GDE1: variants seen among roughly 807,000 people sequenced by gnomAD.
GDE1 encodes the protein RGS16-interacting membrane protein.
In GDE1, 24 loss-of-function variants were observed where a neutral mutation model predicts 32.2. That is an observed-to-expected ratio of 0.75 (90% confidence interval 0.54 to 1.05). The LOEUF (loss-of-function observed/expected upper bound fraction) is 1.05. Among genes scored for constraint, GDE1 ranks in the 50% least tolerant of loss-of-function variants. The probability of loss-of-function intolerance (pLI) is 0.00; values close to 1 mark genes in which losing one functional copy is unlikely to be tolerated. For synonymous variants in GDE1, 159 were observed against 158.6 expected (o/e 1.00, Z -0.02); for missense variants, 380 against 415.0 (o/e 0.92, Z 0.73).
intron 2 of GDE1, among the ~76,000 whole-genome samples, chr16:19,516,782 A>G (rs1432485083): frequency 6.6e-6 from 1 of 152,258 alleles, no homozygotes; most frequent in African/African-American, 2.4e-5. Context: ...ATGACTAGAC[A>G]GTATTATCTT....
chr16:19,508,243 A>G (rs1042867380), intron 3 of GDE1, among the ~76,000 whole-genome samples: 11 of 152,154 alleles, frequency 7.2e-5, no homozygotes, highest in African/African-American at 2.4e-4. Flanking sequence ...ATTACCCATC[A>G]CCAATATGGA....
intron 2 of GDE1, among the ~76,000 whole-genome samples, chr16:19,514,500 A>C (rs552542777): frequency 6.6e-6 from 1 of 152,212 alleles, no homozygotes; most frequent in South Asian, 2.1e-4. Flanking sequence ...TGGAAAACTC[A>C]AAGACTTAAT....
At chr16:19,508,672 T>G (rs1969279094) in intron 3 of GDE1, among the ~76,000 whole-genome samples, 1 of 152,128 alleles carries the variant, frequency 6.6e-6, no homozygotes, top group African/African-American at 2.4e-5. Context: ...CACTGTAAAC[T>G]CTTAGCATTT....
intron 2 of GDE1, among the ~76,000 whole-genome samples, chr16:19,513,491 G>A (rs1969344360): frequency 6.6e-6 from 1 of 152,036 alleles, no homozygotes; most frequent in African/African-American, 2.4e-5. Flanking sequence ...TTGTTTATCA[G>A]TTTTAACAGT....
At chr16:19,516,763 C>T (rs1232087163) in intron 2 of GDE1, among the ~76,000 whole-genome samples, 1 of 152,214 alleles carries the variant, frequency 6.6e-6, no homozygotes, top group Non-Finnish European at 1.5e-5. Flanking sequence ...CTTTCAGCCT[C>T]ATGATTCTAT....
rs781324426 is a variant in GDE1, at chr16:19,507,792, G to A, written c.544-13C>T. On this transcript the variant is annotated splice_polypyrimidine_tract_variant and intron_variant, in intron 3 of 5. Transcript: ENST00000353258. ...GAGCCTCAGTAGCCTGTAAAATAAAGAGATTCATATATTTAAAATTGATTA... is the reference window on the plus strand; with the variant it reads ...GAGCCTCAGTAGCCTGTAAAATAAAAAGATTCATATATTTAAAATTGATTA... 8.4e-7 allele frequency: 1 copy of A among 1,197,564 alleles called. No homozygotes were observed. The highest frequency in any genetic ancestry group is 1.3e-5 in the South Asian group (1 of 79,478). 74.2% of individuals were successfully genotyped at this position (1,197,564 alleles called of 1,614,324 possible).
chr16:19,510,768 A>T, intron 3 of GDE1, 71 bp downstream of exon 3: 1 of 670,418 alleles, frequency 1.5e-6, no homozygotes, highest in African/African-American at 1.8e-5. Flanking sequence ...AAATATATGT[A>T]ACTTCGGAAA....
chr16:19,503,388 T>A lies in GDE1; in HGVS notation c.*82A>T. 8.0e-7 allele frequency: 1 copy of A among 1,250,542 alleles called. No homozygotes were observed. Among genetic ancestry groups the A allele is most frequent in the Non-Finnish European group, 1.1e-6 (1 of 881,028 alleles). 77.5% of individuals were successfully genotyped at this position (1,250,542 alleles called of 1,614,324 possible). On this transcript the variant is annotated 3_prime_UTR_variant, in exon 6 of 6. Coordinates refer to ENST00000353258, the MANE Select transcript of GDE1 (RefSeq NM_016641.4). ...GTGAGTCACCTGATTCCCCAGGGCC[T>A]GGGCTAGCACAAAGGGTATTTTGAT...
At chr16:19,503,686 T>TA in intron 5 of GDE1, 69 bp from the exon 6 acceptor site, 1 of 1,305,880 alleles carries the variant, frequency 7.7e-7, no homozygotes, top group Non-Finnish European at 1.1e-6. Context: ...TAATGGCCAC[T>TA]AAGTATGGTG....
intron 4 of GDE1, 138 bp downstream of exon 4, chr16:19,507,549 T>C (rs1351167452): frequency 3.3e-6 from 2 of 611,618 alleles, no homozygotes; most frequent in African/African-American, 3.7e-5. Flanking sequence ...ATTTCTCTGG[T>C]TAATTTAAAA....
intron 2 of GDE1, among the ~76,000 whole-genome samples, chr16:19,512,652 T>G (rs186406925): frequency 6.6e-6 from 1 of 152,284 alleles, no homozygotes; most frequent in East Asian, 1.9e-4. Context: ...CCCAGAGCTT[T>G]TCCCCTGTGT....
intron 5 of GDE1, chr16:19,504,052 T>C (rs1969213663): frequency 6.4e-6 from 1 of 155,870 alleles, no homozygotes; most frequent in Non-Finnish European, 1.4e-5. Context: ...TTCTCTCTGA[T>C]CTGGATTCCT....
At chr16:19,519,470 A>G (rs994233838) in intron 1 of GDE1, among the ~76,000 whole-genome samples, 10 of 151,244 alleles carry the variant, frequency 6.6e-5, no homozygotes, top group Non-Finnish European at 2.9e-5. Flanking sequence ...ATATATATAT[A>G]TATACATACA....
chr16:19,511,339 A>G (rs1471549128), intron 2 of GDE1, among the ~76,000 whole-genome samples: 1 of 152,118 alleles, frequency 6.6e-6, no homozygotes, highest in Non-Finnish European at 1.5e-5. Context: ...CCTGACCTCA[A>G]GTGATCTACC....
intron 5 of GDE1, 128 bp from the exon 6 acceptor site, chr16:19,503,745 G>A: frequency 2.7e-6 from 2 of 736,058 alleles, no homozygotes; most frequent in Non-Finnish European, 2.3e-6. Flanking sequence ...ACTGGCCTCT[G>A]CACTGTGATC....
chr16:19,515,506 G>A (rs187419725), intron 2 of GDE1, among the ~76,000 whole-genome samples: 1 of 152,262 alleles, frequency 6.6e-6, no homozygotes, highest in African/African-American at 2.4e-5. Context: ...TAAGGGTAAT[G>A]ATGACCCTAA....
chr16:19,515,640 A>C (rs1025043402), intron 2 of GDE1, among the ~76,000 whole-genome samples: 3 of 152,232 alleles, frequency 2.0e-5, no homozygotes, highest in Non-Finnish European at 2.9e-5. Flanking sequence ...ACACTCAAGA[A>C]CAATTCTAGC....
intron 3 of GDE1, among the ~76,000 whole-genome samples, chr16:19,510,545 T>C (rs991714021): frequency 6.6e-6 from 1 of 152,122 alleles, no homozygotes; most frequent in African/African-American, 2.4e-5. Flanking sequence ...TAGAAATGTC[T>C]TTTTTACTGT....
chr16:19,521,629 CG>C, intron 1 of GDE1, 74 bp downstream of exon 1: 1 of 1,521,360 alleles, frequency 6.6e-7, no homozygotes, highest in Non-Finnish European at 8.9e-7. Context: ...CTGAGAAGAT[CG>C]GGGAACCCTG....
Sources: gnomAD v4.1 joint callset for allele counts (sites outside exome capture counted in the v4.1 genomes callset) on GRCh38, gnomAD v4.1.1 for gene constraint, MANE v1.5 for transcripts, NCBI Gene and HGNC (gene_info 2026-07-23, HGNC 2026-07-21) for gene names.